Variants in IGF2BP3 observed in about 807,000 individuals in gnomAD.
IGF2BP3 encodes the protein insulin-like growth factor 2 mRNA-binding protein 3.
A neutral mutation model predicts 73.8 loss-of-function variants in IGF2BP3; 9 were observed. That is an observed-to-expected ratio of 0.12 (90% CI 0.07 to 0.21). The LOEUF (loss-of-function observed/expected upper bound fraction) is 0.21, where lower values mean the gene tolerates loss of function less well. Among genes scored for constraint, IGF2BP3 ranks in the 10% least tolerant of loss-of-function variants. The pLI is 1.00. For missense variants in IGF2BP3, 542 were observed against 714.0 expected, an observed-to-expected ratio of 0.76 and a Z score of 2.75; for synonymous variants, 258 against 256.7, an observed-to-expected ratio of 1.01 and a Z score of -0.05.
intron 3 of IGF2BP3, among the ~76,000 whole-genome samples, chr7:23,415,780 C>CA (rs1299244797): frequency 3.9e-5 from 6 of 152,182 alleles, no homozygotes; most frequent in Admixed American, 3.9e-4. Context: ...TTTGGCCTTC[C>CA]AACCCTCAGG....
Position 23,433,600 on chromosome 7 carries a change from C to A in IGF2BP3, c.237-14776G>T, listed in dbSNP as rs866995780. ...GGCTCAAGCAATTCTCCCACCTCAG[C>A]CTCCCAGTCAGCTAGGATACAGGCA... On this transcript the variant is annotated intron_variant, in intron 2 of 14. Transcript: ENST00000258729. 4.6e-5 allele frequency among the ~76,000 whole-genome samples: 7 copies of A among 151,858 alleles called. No individual in the cohort carries two copies. The South Asian group carries it at 8.3e-4, about 18-fold the overall frequency.
chr7:23,455,738 T>C (rs1376084200), intron 2 of IGF2BP3, among the ~76,000 whole-genome samples: 2 of 152,146 alleles, frequency 1.3e-5, no homozygotes. Context: ...CAGGCTGGAG[T>C]GCGGTGGCGC....
At chr7:23,440,634 T>C (rs12535402) in intron 2 of IGF2BP3, among the ~76,000 whole-genome samples, 2 of 152,074 alleles carry the variant, frequency 1.3e-5, no homozygotes, top group African/African-American at 2.4e-5. Flanking sequence ...ACTAGTAGAA[T>C]CAAGTGCAAA....
intron 14 of IGF2BP3, 103 bp from the exon 15 acceptor site, chr7:23,312,563 T>G: frequency 1.0e-6 from 1 of 963,958 alleles, no homozygotes; most frequent in Non-Finnish European, 1.7e-6. Context: ...ATTTGATGAT[T>G]AAAGATACAT....
chr7:23,469,121 AATTG>A lies in IGF2BP3; in HGVS notation c.176-583_176-580del, dbSNP rs36037612. The A allele has an allele frequency of 0.19, 29,669 of 158,422 alleles. 3,171 individuals carry two copies. The highest frequency in any genetic ancestry group is 0.28 in the South Asian group (1,548 of 5,520). The allele number at this position is 158,422 out of a possible 1,614,324, so 9.8% of individuals were successfully genotyped here. On this transcript the variant is annotated intron_variant, in intron 1 of 14. Transcript: ENST00000258729. This position sits in a 1 kb window ranked among gnomAD's most constrained non-coding sequence, Gnocchi z 6.1. ...CGGCGAGGCGCCCGCACCACGTCTGAATTGATTAAAAGGGAAGCCGAAAGGCACG... is the reference window on the plus strand; with the variant it reads ...CGGCGAGGCGCCCGCACCACGTCTGAATTAAAAGGGAAGCCGAAAGGCACG...
rs10718892 is a variant in IGF2BP3, at chr7:23,396,041, G to GT, written c.285+22734dup. The stretch of plus-strand genomic sequence containing the variant: ...ACCCCTACACAAAAAAATCCAGTGA[G>GT]TTTTTTTTTTTTTTTTTAACCCAAT... On this transcript the variant is annotated intron_variant, in intron 3 of 14. Coordinates refer to ENST00000258729, the MANE Select transcript of IGF2BP3 (RefSeq NM_006547.3). Among the ~76,000 whole-genome samples the GT allele has an allele frequency of 3.2e-3, 460 of 143,450 alleles. 3 individuals carry two copies. Among genetic ancestry groups the GT allele is most frequent in the African/African-American group, 5.3e-3 (205 of 38,768 alleles). 94.1% of individuals were successfully genotyped at this position (143,450 alleles called of 152,430 possible). A position where few individuals can be genotyped will look rare whatever the true frequency, so the allele number is the denominator to read the frequency against.
chr7:23,426,975 GATAA>G (rs1562746800), intron 2 of IGF2BP3, among the ~76,000 whole-genome samples: 1 of 152,168 alleles, frequency 6.6e-6, no homozygotes, highest in African/African-American at 2.4e-5. Context: ...GTAAAGACAG[GATAA>G]ATACTTTATT....
At position 23,360,550 on chromosome 7, in the gene IGF2BP3, G is replaced by A. The variant is rs576668875; in HGVS notation, c.401+984C>T. Among the ~76,000 whole-genome samples the A allele has an allele frequency of 8.5e-5, 13 of 152,284 alleles. No individual in the cohort carries two copies. The East Asian group carries it at 2.1e-3, about 25-fold the overall frequency. ...AAATCTTTTATATTTTGAACCATGT[G>A]AGTGTTATTGATTTTACAAATAAAG... On this transcript the variant is annotated intron_variant, in intron 5 of 14. Coordinates refer to ENST00000258729, the MANE Select transcript of IGF2BP3 (RefSeq NM_006547.3).
chr7:23,358,638 G>A (rs919873361), intron 5 of IGF2BP3, among the ~76,000 whole-genome samples: 1 of 152,178 alleles, frequency 6.6e-6, no homozygotes, highest in African/African-American at 2.4e-5. Context: ...AGGGCTACCT[G>A]ACTTTGGTGT....
At chr7:23,362,340 G>T (rs1785250550) in intron 3 of IGF2BP3, among the ~76,000 whole-genome samples, 1 of 152,116 alleles carries the variant, frequency 6.6e-6, no homozygotes. Context: ...CAGCTCGAAT[G>T]GTTCTTACAA....
chr7:23,367,268 G>A (rs1377434058), intron 3 of IGF2BP3, among the ~76,000 whole-genome samples: 1 of 152,120 alleles, frequency 6.6e-6, no homozygotes, highest in African/African-American at 2.4e-5. Context: ...GTGAGCCACA[G>A]TGTCCGGCCG....
intron 2 of IGF2BP3, among the ~76,000 whole-genome samples, chr7:23,432,311 C>T (rs543381597): frequency 6.6e-6 from 1 of 152,302 alleles, no homozygotes; most frequent in African/African-American, 2.4e-5. Context: ...TTACACACTG[C>T]TATGTCTTTC....
rs1785378075 is a variant in IGF2BP3 at position 23,366,568 on chromosome 7, A to G, written c.286-4827T>C. Among the ~76,000 whole-genome samples, 4 of 151,970 alleles carry G rather than the reference A, an allele frequency of 2.6e-5. No individual in the cohort carries two copies. The South Asian group carries it at 8.3e-4, about 32-fold the overall frequency. ...AACAAAGTAAAAAAGAAAAAAAAAA[A>G]AAAACCACAAGCAAAAAAACCCCTC... On this transcript the variant is annotated intron_variant, in intron 3 of 14. Transcript: ENST00000258729.
intron 3 of IGF2BP3, among the ~76,000 whole-genome samples, chr7:23,415,739 A>G (rs2128533999): frequency 6.6e-6 from 1 of 152,344 alleles, no homozygotes; most frequent in East Asian, 1.9e-4. Flanking sequence ...CTTCCCTCCA[A>G]GTCTCTAGGA....
chr7:23,384,095 C>CAAAAAAAAAAAAAAAAAAAAA (rs35378177), intron 3 of IGF2BP3, among the ~76,000 whole-genome samples: 1 of 62,530 alleles, frequency 1.6e-5, no homozygotes, highest in Non-Finnish European at 3.5e-5. Context: ...GACTCCATCT[C>CAAAAAAAAAAAAAAAAAAAAA]AAAAAAAAAA....
intron 10 of IGF2BP3, among the ~76,000 whole-genome samples, chr7:23,320,968 A>G (rs1291380818): frequency 0.025 from 3,605 of 144,830 alleles, 155 homozygotes; most frequent in African/African-American, 0.089. Context: ...AAAAAAAAAA[A>G]AGAAAAAACA....
chr7:23,379,320 A>C (rs1319496631), intron 3 of IGF2BP3, among the ~76,000 whole-genome samples: 2 of 152,160 alleles, frequency 1.3e-5, no homozygotes, highest in African/African-American at 4.8e-5. Context: ...ATGTTCTCTT[A>C]TATCTGCTGT....
At chr7:23,440,269 CAAA>C (rs35841355) in intron 2 of IGF2BP3, among the ~76,000 whole-genome samples, 3 of 107,612 alleles carry the variant, frequency 2.8e-5, no homozygotes, top group Non-Finnish European at 1.9e-5. Flanking sequence ...TTAGTTATTT[CAAA>C]AAAAAAAAAA....
At chr7:23,359,263 G>C (rs560921830) in intron 5 of IGF2BP3, among the ~76,000 whole-genome samples, 1 of 151,962 alleles carries the variant, frequency 6.6e-6, no homozygotes, top group South Asian at 2.1e-4. Context: ...TTAATGCTTT[G>C]TTTTTTTGTT....
Sources: gnomAD v4.1 joint callset for allele counts (sites outside exome capture counted in the v4.1 genomes callset) on GRCh38, gnomAD v4.1.1 for gene constraint, Gnocchi (gnomAD v3.1) non-coding constraint, MANE v1.5 for transcripts, NCBI Gene and HGNC (gene_info 2026-07-23, HGNC 2026-07-21) for gene names.